The following MDM4 variants were observed in gnomAD, a reference collection of about 807,000 sequenced individuals.
MDM4 encodes the protein protein Mdm4.
Under a neutral mutation model 60.2 loss-of-function variants are expected in MDM4, and 2 were observed. That is an observed-to-expected ratio of 0.03 (90% CI 0.01 to 0.10). The LOEUF (loss-of-function observed/expected upper bound fraction) is 0.10, where lower values mean the gene tolerates loss of function less well. MDM4 is among the 10% of genes least tolerant of loss of function. MDM4 has a pLI of 1.00. For synonymous variants in MDM4, 202 were observed against 198.1 expected (o/e 1.02, Z -0.17); for missense variants, 447 against 577.5 (o/e 0.77, Z 2.32).
At chr1:204,544,089 T>C (rs1417164411) in intron 8 of MDM4, among the ~76,000 whole-genome samples, 1 of 152,132 alleles carries the variant, frequency 6.6e-6, no homozygotes, top group African/African-American at 2.4e-5. Flanking sequence ...GGACAAAAGG[T>C]TTGGGTGACC....
intron 9 of MDM4, among the ~76,000 whole-genome samples, chr1:204,545,795 G>A (rs1356531217): frequency 5.9e-5 from 9 of 152,126 alleles, no homozygotes; most frequent in Non-Finnish European, 1.3e-4. Context: ...CCAAGTAGCT[G>A]GGGTCACAGG....
rs1663418248 is a variant in MDM4, at chr1:204,554,452, A to G, written c.*4770A>G. ...GATGCTACCTTTGCTAAAAATGGCC[A>G]TAGATTAGGAACTAGCTATGTTTTT... On this transcript the variant is annotated 3_prime_UTR_variant, in exon 11 of 11. Coordinates refer to ENST00000367182, the MANE Select transcript of MDM4 (RefSeq NM_002393.5). 8.9e-6 allele frequency: 2 copies of G among 225,952 alleles called. No homozygotes were observed. Among genetic ancestry groups the G allele is most frequent in the South Asian group, 1.8e-4 (1 of 5,472 alleles). The allele number at this position is 225,952 out of a possible 1,614,324, so 14.0% of individuals were successfully genotyped here.
intron 10 of MDM4, 150 bp from the exon 11 acceptor site, chr1:204,548,963 C>G: frequency 1.7e-6 from 1 of 595,828 alleles, no homozygotes; most frequent in East Asian, 2.8e-5. Flanking sequence ...GACTTTCCTT[C>G]ATGTGGCTGT....
At chr1:204,531,058 A>G (rs979818219) in intron 4 of MDM4, among the ~76,000 whole-genome samples, 2 of 152,224 alleles carry the variant, frequency 1.3e-5, no homozygotes, top group African/African-American at 4.8e-5. Flanking sequence ...ACACTAATTC[A>G]TGGTAAACCT....
intron 3 of MDM4, chr1:204,529,451 AT>A: frequency 6.6e-7 from 1 of 1,518,286 alleles, no homozygotes; most frequent in Admixed American, 1.8e-5. Context: ...CTGTACCATC[AT>A]TTGGTCCTCC....
At chr1:204,520,579 G>A (rs896468711) in intron 1 of MDM4, among the ~76,000 whole-genome samples, 4 of 152,044 alleles carry the variant, frequency 2.6e-5, no homozygotes, top group African/African-American at 9.7e-5. Context: ...GTTTGTGGAA[G>A]ATTATTGCGT....
chr1:204,539,516 GT>G lies in MDM4; in HGVS notation c.511+1220del, dbSNP rs1190484862. On this transcript the variant is annotated intron_variant, in intron 7 of 10. Coordinates refer to ENST00000367182, the MANE Select transcript of MDM4 (RefSeq NM_002393.5). ...TTGAGCATCCAAAATCTGAAAACTTGTTTTTTTTTTTTGTTTTGTTTTGTTT... is the reference window on the plus strand; with the variant it reads ...TTGAGCATCCAAAATCTGAAAACTTGTTTTTTTTTTTGTTTTGTTTTGTTT... 1.2e-3 allele frequency among the ~76,000 whole-genome samples: 150 copies of G among 124,102 alleles called. 1 individual carries two copies. Among genetic ancestry groups the G allele is most frequent in the East Asian group, 3.7e-3 (16 of 4,348 alleles). The allele number at this position is 124,102 out of a possible 152,430, so 81.4% of individuals were successfully genotyped here.
chr1:204,554,193 G>A lies in MDM4; in HGVS notation c.*4511G>A, dbSNP rs1260428006. On this transcript the variant is annotated 3_prime_UTR_variant, in exon 11 of 11. Coordinates refer to ENST00000367182, the MANE Select transcript of MDM4 (RefSeq NM_002393.5). ...CTTCTGATCTATAATACAAAGCTATGTAATGTTACCTCTTGACTCGCTTTT... is the reference window on the plus strand; with the variant it reads ...CTTCTGATCTATAATACAAAGCTATATAATGTTACCTCTTGACTCGCTTTT... 4.4e-6 allele frequency: 1 copy of A among 226,618 alleles called. No homozygotes were observed. Among genetic ancestry groups the A allele is most frequent in the Non-Finnish European group, 8.8e-6 (1 of 114,038 alleles). 14.0% of individuals were successfully genotyped at this position (226,618 alleles called of 1,614,324 possible). A position where few individuals can be genotyped will look rare whatever the true frequency, so the allele number is the denominator to read the frequency against.
intron 3 of MDM4, among the ~76,000 whole-genome samples, chr1:204,528,670 A>G (rs769965099): frequency 1.3e-5 from 2 of 152,056 alleles, no homozygotes; most frequent in Admixed American, 6.5e-5. Flanking sequence ...GGTCCTCACT[A>G]TTTGGTGGCT....
At chr1:204,532,704 C>T in intron 5 of MDM4, 1 of 1,555,288 alleles carries the variant, frequency 6.4e-7, no homozygotes, top group Non-Finnish European at 8.8e-7. Flanking sequence ...TGATATGTCT[C>T]ATAAGTGTCT....
chr1:204,539,575 C>A (rs1213010037), intron 7 of MDM4, among the ~76,000 whole-genome samples: 1 of 146,340 alleles, frequency 6.8e-6, no homozygotes, highest in African/African-American at 2.5e-5. Context: ...TGCTCTGTCA[C>A]CAGGCTGGAG....
chr1:204,525,176 A>G (rs1291369724), intron 1 of MDM4, among the ~76,000 whole-genome samples: 1 of 152,204 alleles, frequency 6.6e-6, no homozygotes, highest in African/African-American at 2.4e-5. Flanking sequence ...TGGGGAGATA[A>G]TGATTTGACT....
intron 7 of MDM4, among the ~76,000 whole-genome samples, chr1:204,540,411 A>G (rs1046118334): frequency 6.6e-6 from 1 of 152,158 alleles, no homozygotes; most frequent in African/African-American, 2.4e-5. Context: ...TTGCCATTCC[A>G]TTAGATATGT....
At chr1:204,518,375 C>G (rs4252674) in intron 1 of MDM4, among the ~76,000 whole-genome samples, 339 of 152,152 alleles carry the variant, frequency 2.2e-3, no homozygotes, top group Admixed American at 9.0e-3. Context: ...TTTAATCTTC[C>G]CAGTTTAATC....
Position 204,550,524 on chromosome 1 carries a change from A to G in MDM4, c.*842A>G. 5.3e-6 allele frequency: 1 copy of G among 186,966 alleles called. No individual in the cohort carries two copies. The highest frequency in any genetic ancestry group is 1.1e-5 in the Non-Finnish European group (1 of 88,764). 11.6% of individuals were successfully genotyped at this position (186,966 alleles called of 1,614,324 possible). A position where few individuals can be genotyped will look rare whatever the true frequency, so the allele number is the denominator to read the frequency against. ...TAAAATTTAAGTACTTACAAAGGAT[A>G]TACTATCCAACATATTGCATATTAT... On this transcript the variant is annotated 3_prime_UTR_variant, in exon 11 of 11. Transcript: ENST00000367182.
intron 8 of MDM4, among the ~76,000 whole-genome samples, chr1:204,543,296 A>G (rs556331089): frequency 1.1e-4 from 16 of 152,334 alleles, no homozygotes; most frequent in Admixed American, 2.6e-4. Context: ...GCTTGAGCCC[A>G]GGAGTTTGAG....
intron 5 of MDM4, 109 bp downstream of exon 5, chr1:204,532,355 T>C (rs1365930321): frequency 1.3e-6 from 1 of 749,140 alleles, no homozygotes; most frequent in South Asian, 1.6e-5. Context: ...ATCTTTGGCA[T>C]GACTGGGAGA....
At chr1:204,542,977 T>G in intron 8 of MDM4, 33 bp downstream of exon 8, 1 of 1,568,538 alleles carries the variant, frequency 6.4e-7, no homozygotes, top group Non-Finnish European at 8.7e-7. Flanking sequence ...AGTGGTTTTT[T>G]TTCTTTTGAA....
chr1:204,525,700 G>A, intron 2 of MDM4, 104 bp downstream of exon 2: 1 of 760,322 alleles, frequency 1.3e-6, no homozygotes, highest in South Asian at 1.8e-5. Context: ...GAGAAGTCAA[G>A]GCAGGAAGCT....
Sources: allele counts gnomAD v4.1 joint callset (sites outside exome capture counted in the v4.1 genomes callset), GRCh38; gene constraint gnomAD v4.1.1; transcripts MANE v1.5; gene names NCBI Gene and HGNC (gene_info 2026-07-23, HGNC 2026-07-21).